Variants in CBX8 observed in about 807,000 individuals in gnomAD.
CBX8 encodes the protein chromobox protein homolog 8.
CBX8 carries 8 observed loss-of-function variants against 39.7 expected under a neutral mutation model. The ratio of observed to expected loss-of-function variants is 0.20; its 90% CI spans 0.12 to 0.36. CBX8 has a LOEUF of 0.36. Ranked by LOEUF, CBX8 falls within the 10% of genes least tolerant of loss-of-function variation. The pLI is 1.00. For missense variants in CBX8, 505 were observed against 529.6 expected, an observed-to-expected ratio of 0.95 and a Z score of 0.46; for synonymous variants, 268 against 219.8, an observed-to-expected ratio of 1.22 and a Z score of -1.94.
rs571695806 is a variant in CBX8, at chr17:79,793,747, C to G, written c.*888G>C. On this transcript the variant is annotated 3_prime_UTR_variant, in exon 5 of 5. Coordinates refer to ENST00000269385, the MANE Select transcript of CBX8 (RefSeq NM_020649.3). ...CAAAACAACTGTCTCGAACTCTCAGCACTGACACGCAATCCTCCCAATTTA... is the reference window on the plus strand; with the variant it reads ...CAAAACAACTGTCTCGAACTCTCAGGACTGACACGCAATCCTCCCAATTTA... 1 of 152,406 alleles carries G rather than the reference C, an allele frequency of 6.6e-6. No individual in the cohort carries two copies. The highest frequency in any genetic ancestry group is 2.4e-5 in the African/African-American group (1 of 41,590). The allele number at this position is 152,406 out of a possible 1,614,324, so 9.4% of individuals were successfully genotyped here.
chr17:79,796,779 TG>T, intron 1 of CBX8, 150 bp downstream of exon 1: 1 of 472,114 alleles, frequency 2.1e-6, no homozygotes, highest in Non-Finnish European at 3.5e-6. Context: ...GGAAAGCGCC[TG>T]GGCTCAGAGC....
rs1907940082 is a variant in CBX8, at chr17:79,793,171, CCCG to C, written c.*1461_*1463del. 6.6e-6 allele frequency: 1 copy of C among 152,222 alleles called. No individual in the cohort carries two copies. The highest frequency in any genetic ancestry group is 2.4e-5 in the African/African-American group (1 of 41,448). The allele number at this position is 152,222 out of a possible 1,614,324, so 9.4% of individuals were successfully genotyped here. ...TCCGCCGGGCAGGGGCGTCCCAGGC[CCCG>C]CCGCCTCGCACGGCCTTCCCCGCCG... On this transcript the variant is annotated 3_prime_UTR_variant, in exon 5 of 5. Transcript: ENST00000269385.
Position 79,795,179 on chromosome 17 carries a change from T to C in CBX8, c.626A>G (p.Asp209Gly). The change falls in exon 5 of 5, where the codon GAC becomes GGC. Residue 209 changes from aspartate to glycine, a missense_variant. Asp to Gly is a moderately conservative substitution (Grantham distance 94, BLOSUM62 -1). Around this residue, in one of 3 missense-constraint regions of CBX8, gnomAD observed 456 missense variants for 389.2 expected, o/e 1.17. Coordinates refer to ENST00000269385, the MANE Select transcript of CBX8 (RefSeq NM_020649.3). The surrounding 1 kb of genome is among the most constrained non-coding windows in gnomAD (Gnocchi z 5.8). ...RGPKPRKELP[D>G]PSQRPLGEPS... ...TTCGCCTAAGGGCCTCTGTGAGGGGTCCGGGAGCTCCTTCCGGGGCTTGGG... is the reference window on the plus strand; with the variant it reads ...TTCGCCTAAGGGCCTCTGTGAGGGGCCCGGGAGCTCCTTCCGGGGCTTGGG... The C allele has an allele frequency of 6.2e-7, 1 of 1,613,508 alleles. No homozygotes were observed. The highest frequency in any genetic ancestry group is 1.1e-5 in the South Asian group (1 of 90,834).
At chr17:79,796,447 A>G in intron 2 of CBX8, 50 bp downstream of exon 2, 1 of 1,612,284 alleles carries the variant, frequency 6.2e-7, no homozygotes, top group African/African-American at 1.3e-5. Context: ...GGAAGAAAGA[A>G]ACCTCCCGAA....
chr17:79,795,097 G>T lies in CBX8; in HGVS notation c.708C>A (p.Ser236=). ...GGCCGGCTGGAAACTTTCCTGCCCC[G>T]GAAGGGGTGTCGTCCAGCTTCCTGC... ...LKGRKLDDTP[S]GAGKFPAGHS... is the part of the protein sequence containing the mutation. Residue 236 remains serine (S), a synonymous_variant, in exon 5 of 5, where the codon TCC becomes TCA. Coordinates refer to ENST00000269385, the MANE Select transcript of CBX8 (RefSeq NM_020649.3). The surrounding 1 kb of genome is among the most constrained non-coding windows in gnomAD (Gnocchi z 5.8). The T allele has an allele frequency of 6.2e-7, 1 of 1,611,922 alleles. No homozygotes were observed. The highest frequency in any genetic ancestry group is 2.2e-5 in the East Asian group (1 of 44,816).
At chr17:79,796,638 G>A in intron 1 of CBX8, 98 bp from the exon 2 acceptor site, 5 of 1,378,132 alleles carry the variant, frequency 3.6e-6, no homozygotes, top group African/African-American at 2.8e-5. Context: ...ATGAATGCTC[G>A]AAACCCCGCC....
rs1443951196 is a variant in CBX8 at position 79,792,722 on chromosome 17, G to A, written c.*1913C>T. 6.6e-6 allele frequency: 1 copy of A among 152,204 alleles called. No homozygotes were observed. The highest frequency in any genetic ancestry group is 1.5e-5 in the Non-Finnish European group (1 of 68,038). The allele number at this position is 152,204 out of a possible 1,614,324, so 9.4% of individuals were successfully genotyped here. On this transcript the variant is annotated 3_prime_UTR_variant, in exon 5 of 5. Transcript: ENST00000269385. ...GTAGATAAAAATCCCCATTCCAGGG[G>A]CTTCTCTTTATAGGCGCAATTTGAT...
rs1234154063 is a variant in CBX8, at chr17:79,795,000, C to T, written c.805G>A (p.Ala269Thr). Residue 269 changes from alanine (A) to threonine (T), a missense_variant, in exon 5 of 5, where the codon GCT (alanine) becomes ACT (threonine). Ala to Thr is a moderately conservative substitution (Grantham distance 58). Coordinates refer to ENST00000269385, the MANE Select transcript of CBX8 (RefSeq NM_020649.3). ...VQCGVTSPSS[A>T]EATGKLAVDT... Reference sequence around the variant, plus strand: ...ACAGCCAGTTTGCCCGTGGCCTCAGCTGAGCTAGGGCTGGTCACACCACAC... The same window carrying T: ...ACAGCCAGTTTGCCCGTGGCCTCAGTTGAGCTAGGGCTGGTCACACCACAC... 1.9e-6 allele frequency: 3 copies of T among 1,606,472 alleles called. No homozygotes were observed. The highest frequency in any genetic ancestry group is 2.6e-6 in the Non-Finnish European group (3 of 1,175,948).
rs1234004373 is a variant in CBX8, at chr17:79,794,947, C to G, written c.858G>C (p.Lys286Asn). The part of the protein sequence containing the change: ...AVDTFPARVI[K>N]HRAAFLEAKG... The stretch of plus-strand genomic sequence containing the variant: ...TGGCCTCCAGGAAGGCAGCCCTGTG[C>G]TTTATCACCCTGGCCGGGAAGGTGT... Residue 286 changes from lysine (K) to asparagine (N), a missense_variant, in exon 5 of 5, where the codon AAG (lysine) becomes AAC (asparagine). Lys to Asn is a moderately conservative substitution (Grantham distance 94). Transcript: ENST00000269385. 1.2e-6 allele frequency: 2 copies of G among 1,606,116 alleles called. No individual in the cohort carries two copies. Among genetic ancestry groups the G allele is most frequent in the Non-Finnish European group, 1.7e-6 (2 of 1,175,700 alleles).
chr17:79,795,349 T>TCGGTCC lies in CBX8; in HGVS notation c.450_455dup (p.Asp157_Arg158dup), dbSNP rs769950989. On this transcript the variant is annotated inframe_insertion, in exon 5 of 5. Transcript: ENST00000269385. The surrounding 1 kb of genome is among the most constrained non-coding windows in gnomAD (Gnocchi z 5.8). ...CCCGCTCCCGGTCCCTATCCCGGTC[T>TCGGTCC]CGGTCCCGGTCCCGAGGGGCCTCTG... The TCGGTCC allele has an allele frequency of 2.6e-5, 42 of 1,589,644 alleles. No homozygotes were observed. Among genetic ancestry groups the TCGGTCC allele is most frequent in the African/African-American group, 2.0e-4 (15 of 74,808 alleles).
Position 79,795,181 on chromosome 17 carries a change from C to T in CBX8, c.624G>A (p.Pro208=), listed in dbSNP as rs558160613. 8.6e-5 allele frequency: 138 copies of T among 1,613,396 alleles called. 1 individual carries two copies. Among genetic ancestry groups the T allele is most frequent in the Admixed American group, 1.8e-4 (11 of 59,946 alleles). ...CGCCTAAGGGCCTCTGTGAGGGGTC[C>T]GGGAGCTCCTTCCGGGGCTTGGGGC... ...KRGPKPRKEL[P]DPSQRPLGEP... Residue 208 remains proline (P), a synonymous_variant, in exon 5 of 5, where the codon CCG becomes CCA. Transcript: ENST00000269385. The surrounding 1 kb of genome is among the most constrained non-coding windows in gnomAD (Gnocchi z 5.8).
At chr17:79,796,637 C>A in intron 1 of CBX8, 97 bp from the exon 2 acceptor site, 2 of 1,379,888 alleles carry the variant, frequency 1.4e-6, no homozygotes, top group South Asian at 2.3e-5. Flanking sequence ...GATGAATGCT[C>A]GAAACCCCGC....
At chr17:79,796,370 AGG>A in intron 2 of CBX8, 55 bp from the exon 3 acceptor site, 1 of 1,584,632 alleles carries the variant, frequency 6.3e-7, no homozygotes, top group Non-Finnish European at 8.7e-7. Flanking sequence ...GTGAGAGCAG[AGG>A]GGGTGTGTGT....
At position 79,796,548 on chromosome 17, in the gene CBX8, T is replaced by G. The variant is rs1458388812; in HGVS notation, c.70-8A>C. 6.2e-7 allele frequency: 1 copy of G among 1,613,910 alleles called. No homozygotes were observed. The highest frequency in any genetic ancestry group is 1.3e-5 in the African/African-American group (1 of 74,834). On this transcript the variant is annotated splice_polypyrimidine_tract_variant and splice_region_variant and intron_variant, in intron 1 of 4. Coordinates refer to ENST00000269385, the MANE Select transcript of CBX8 (RefSeq NM_020649.3). ...GAGGTATTCCATGCGTCCCTGCGGG[T>G]GCAAAGGCGATAATGTGTGTGCATG...
Position 79,794,849 on chromosome 17 carries a change from C to G in CBX8, c.956G>C (p.Gly319Ala). The change falls in exon 5 of 5, where the codon GGC (glycine) becomes GCC (alanine). Residue 319 changes from glycine (G) to alanine (A), a missense_variant. Transcript: ENST00000269385. ...HGSGPPSSGG[G>A]LYRDMGAQGG... Reference sequence around the variant, plus strand: ...CTGGGCCCCCATGTCCCGGTACAGGCCCCCCCCAGAGCTGGGGGGGCCTGA... The same window carrying G: ...CTGGGCCCCCATGTCCCGGTACAGGGCCCCCCCAGAGCTGGGGGGGCCTGA... The G allele has an allele frequency of 1.9e-6, 3 of 1,606,174 alleles. No individual in the cohort carries two copies. Among genetic ancestry groups the G allele is most frequent in the Non-Finnish European group, 2.6e-6 (3 of 1,175,996 alleles).
At chr17:79,796,861 G>A in intron 1 of CBX8, 69 bp downstream of exon 1, 2 of 1,433,444 alleles carry the variant, frequency 1.4e-6, no homozygotes, top group African/African-American at 1.4e-5. Flanking sequence ...GGCTGCAGCA[G>A]GGGGAGGGAA....
chr17:79,793,990 C>G lies in CBX8; in HGVS notation c.*645G>C, dbSNP rs1907970217. ...GGGGACGTTTTAACCTTCAACATCA[C>G]ACACGAAAAGCTTATTCAAGTTAAT... On this transcript the variant is annotated 3_prime_UTR_variant, in exon 5 of 5. Transcript: ENST00000269385. 6.6e-6 allele frequency: 1 copy of G among 151,834 alleles called. No individual in the cohort carries two copies. The highest frequency in any genetic ancestry group is 2.4e-5 in the African/African-American group (1 of 41,294). The allele number at this position is 151,834 out of a possible 1,614,324, so 9.4% of individuals were successfully genotyped here. A position where few individuals can be genotyped will look rare whatever the true frequency, so the allele number is the denominator to read the frequency against.
intron 1 of CBX8, 71 bp from the exon 2 acceptor site, chr17:79,796,611 G>A: frequency 2.6e-6 from 4 of 1,520,552 alleles, no homozygotes; most frequent in Non-Finnish European, 3.7e-6. Flanking sequence ...AAATGCATGC[G>A]AAAATGCATG....
rs200821578 is a variant in CBX8 at position 79,795,333 on chromosome 17, G to T, written c.472C>A (p.Arg158=). ...RDRDRDRDRD[R]ERDRERERER... ...CTCTCCCTTTCTCGATCCCGCTCCC[G>T]GTCCCTATCCCGGTCTCGGTCCCGG... The change falls in exon 5 of 5, where the codon CGG becomes AGG. Residue 158 remains arginine (R), a synonymous_variant. Coordinates refer to ENST00000269385, the MANE Select transcript of CBX8 (RefSeq NM_020649.3). This position sits in a 1 kb window ranked among gnomAD's most constrained non-coding sequence, Gnocchi z 5.8. 2.5e-6 allele frequency: 4 copies of T among 1,583,632 alleles called. No homozygotes were observed. The highest frequency in any genetic ancestry group is 2.6e-6 in the Non-Finnish European group (3 of 1,163,660).
Sources: allele counts gnomAD v4.1 joint callset, GRCh38; gene constraint gnomAD v4.1.1; regional missense constraint gnomAD v4.1.1; non-coding constraint Gnocchi (gnomAD v3.1); transcripts MANE v1.5; gene names NCBI Gene and HGNC (gene_info 2026-07-23, HGNC 2026-07-21).